The following SLC4A9 variants were observed in gnomAD, a reference collection of about 807,000 sequenced individuals.
SLC4A9 encodes solute carrier family 4 member 9, also known as anion exchange protein 4.
A neutral mutation model predicts 103.2 loss-of-function variants in SLC4A9; 102 were observed. The observed-to-expected ratio is 0.99, with a 90% CI of 0.84 to 1.17. The LOEUF (loss-of-function observed/expected upper bound fraction) is 1.17, where lower values mean the gene tolerates loss of function less well. SLC4A9 is among the 50% of genes most tolerant of loss of function. The pLI is 0.00. For missense variants in SLC4A9, 1,091 were observed against 1,193.7 expected (o/e 0.91, Z 1.27); for synonymous variants, 453 against 483.6 (o/e 0.94, Z 0.83).
In SLC4A9 at chr5:140,362,520, C is replaced by T; in HGVS notation, c.795C>T (p.Leu265=). 2 of 1,613,938 alleles carry T rather than the reference C, an allele frequency of 1.2e-6. No homozygotes were observed. Among genetic ancestry groups the T allele is most frequent in the Non-Finnish European group, 8.5e-7 (1 of 1,179,810 alleles). ...YHEMGRAAAV[L]LSDPQFQWSV... The stretch of plus-strand genomic sequence containing the variant: ...AGATGGGACGGGCAGCAGCTGTCCT[C>T]CTCAGTGACCCGGTGAGCTGAGCAG... The change falls in exon 6 of 22, where the codon CTC becomes CTT. Residue 265 remains leucine, a synonymous_variant. Transcript: ENST00000506757.
Position 140,374,942 on chromosome 5 carries a change from G to C in SLC4A9, c.*161G>C, listed in dbSNP as rs1769283180. Reference sequence around the variant, plus strand: ...CATGTTTGCTGTGCACTTAGGAAAGGCTGGTGAGCCAGAGGGACTGATCAG... The same window carrying C: ...CATGTTTGCTGTGCACTTAGGAAAGCCTGGTGAGCCAGAGGGACTGATCAG... On this transcript the variant is annotated 3_prime_UTR_variant, in exon 22 of 22. Transcript: ENST00000506757. The C allele has an allele frequency of 2.0e-5, 3 of 152,092 alleles. 1 individual carries two copies. The South Asian group carries it at 6.2e-4, about 31-fold the overall frequency. 9.4% of individuals were successfully genotyped at this position (152,092 alleles called of 1,614,324 possible).
chr5:140,360,280 G>GT lies in SLC4A9; in HGVS notation c.45dup (p.Ala16CysfsTer3). The GT allele has an allele frequency of 6.2e-7, 1 of 1,612,396 alleles. No homozygotes were observed. The highest frequency in any genetic ancestry group is 8.5e-7 in the Non-Finnish European group (1 of 1,179,252). Reference sequence around the variant, plus strand: ...GGCCAGGAAGGGTTTGAAGCCTCCAGTGCTCCTAGAAATATTCCTTCAGGG... The same window carrying GT: ...GGCCAGGAAGGGTTTGAAGCCTCCAGTTGCTCCTAGAAATATTCCTTCAGGG... On this transcript the variant is annotated frameshift_variant, in exon 1 of 22. Coordinates refer to ENST00000506757, the MANE Select transcript of SLC4A9 (RefSeq NM_031467.3). LOFTEE classifies it high-confidence loss of function.
rs773778505 is a variant in SLC4A9, at chr5:140,360,319, A to C, written c.83A>C (p.Asn28Thr). 1.2e-6 allele frequency: 2 copies of C among 1,612,112 alleles called. No individual in the cohort carries two copies. The highest frequency in any genetic ancestry group is 1.7e-5 in the Admixed American group (1 of 59,800). The change falls in exon 1 of 22, where the codon AAC (asparagine) becomes ACC (threonine). Residue 28 changes from asparagine to threonine, a missense_variant. Coordinates refer to ENST00000506757, the MANE Select transcript of SLC4A9 (RefSeq NM_031467.3). ...ATTCCTTCAGGGGAGCTGGACAGCA[A>C]CCCTGACCCTGGCACCGGCCCCAGC... ...RNIPSGELDS[N>T]PDPGTGPSPD...
At position 140,361,914 on chromosome 5, in the gene SLC4A9, GA is replaced by G. The variant is rs1412039233; in HGVS notation, c.561+54del. On this transcript the variant is annotated intron_variant, in intron 4 of 21. Transcript: ENST00000506757. Reference sequence around the variant, plus strand: ...TTTCCAGTGGCTGGGAGAGGGGTTAGAAATTAACAAAAGTCTACTCTCCACT... The same window carrying G: ...TTTCCAGTGGCTGGGAGAGGGGTTAGAATTAACAAAAGTCTACTCTCCACT... 3.0e-5 allele frequency: 49 copies of G among 1,613,566 alleles called. No individual in the cohort carries two copies. In the African/African-American group the frequency reaches 5.7e-4, roughly 19 times the overall value.
intron 17 of SLC4A9, among the ~76,000 whole-genome samples, chr5:140,370,335 G>C (rs781438935): frequency 8.6e-5 from 13 of 151,364 alleles, no homozygotes; most frequent in Middle Eastern, 3.2e-3. Flanking sequence ...GTGGTGGGGG[G>C]TGCCTATAAT....
chr5:140,361,290 T>G lies in SLC4A9; in HGVS notation c.428T>G (p.Leu143Arg). 1 of 1,572,314 alleles carries G rather than the reference T, an allele frequency of 6.4e-7. No homozygotes were observed. The highest frequency in any genetic ancestry group is 8.6e-7 in the Non-Finnish European group (1 of 1,158,638). The part of the protein sequence containing the change: ...VTRVESLSPE[L>R]RGQLQALLLQ... Reference sequence around the variant, plus strand: ...AGGGTGGAGTCGCTGAGCCCAGAGCTGAGAGGGCAGTTGCAGGCCTTGCTG... The same window carrying G: ...AGGGTGGAGTCGCTGAGCCCAGAGCGGAGAGGGCAGTTGCAGGCCTTGCTG... The change falls in exon 3 of 22, where the codon CTG (leucine) becomes CGG (arginine). Residue 143 changes from leucine (L) to arginine (R), a missense_variant. Leu to Arg is a moderately radical substitution (Grantham distance 102, BLOSUM62 -2). Coordinates refer to ENST00000506757, the MANE Select transcript of SLC4A9 (RefSeq NM_031467.3).
In SLC4A9 at chr5:140,372,785, T is replaced by C; in HGVS notation, c.2867T>C (p.Ile956Thr). ...CAGCCAAAGGCTCCAGAAATCAACA[T>C]TTCTGTGAATTAGCTGGAGTAGGAG... is the stretch of plus-strand genomic sequence containing the variant. ...MYQPKAPEIN[I>T]SVN Residue 956 changes from isoleucine (I) to threonine (T), a missense_variant, in exon 21 of 22, where the codon ATT (isoleucine) becomes ACT (threonine). Ile to Thr is a moderately conservative substitution (Grantham distance 89). Transcript: ENST00000506757. The C allele has an allele frequency of 6.4e-7, 1 of 1,574,256 alleles. No individual in the cohort carries two copies.
At chr5:140,360,494 G>T (rs1436781395) in intron 1 of SLC4A9, 28 bp downstream of exon 1, 1 of 1,542,504 alleles carries the variant, frequency 6.5e-7, no homozygotes, top group South Asian at 1.2e-5. Flanking sequence ...CAGTTCTGTG[G>T]GATCCTTCCC....
chr5:140,361,704 A>T, intron 3 of SLC4A9, 104 bp from the exon 4 acceptor site: 1 of 1,247,562 alleles, frequency 8.0e-7, no homozygotes, highest in Non-Finnish European at 1.2e-6. Context: ...AGAAGGGTAT[A>T]CTCTAATTCT....
intron 11 of SLC4A9, 72 bp downstream of exon 11, chr5:140,364,697 T>TATC (rs1767631082): frequency 6.5e-7 from 1 of 1,527,002 alleles, no homozygotes; most frequent in East Asian, 2.4e-5. Context: ...GCACCCTTAC[T>TATC]ATCCCCCCTG....
chr5:140,366,615 A>C (rs1767929458), intron 14 of SLC4A9, among the ~76,000 whole-genome samples: 1 of 152,208 alleles, frequency 6.6e-6, no homozygotes, highest in African/African-American at 2.4e-5. Context: ...TATAAAATGG[A>C]AATAATAAAA....
rs763489389 is a variant in SLC4A9, at chr5:140,367,402, T to G, written c.2014-18T>G. The G allele has an allele frequency of 1.2e-6, 2 of 1,609,562 alleles. No individual in the cohort carries two copies. Among genetic ancestry groups the G allele is most frequent in the Non-Finnish European group, 1.7e-6 (2 of 1,178,336 alleles). Reference sequence around the variant, plus strand: ...TGGGAGACCCACTCCAACCTGTCCATGAAATGCCCTCCTCCAGCCCACACT... The same window carrying G: ...TGGGAGACCCACTCCAACCTGTCCAGGAAATGCCCTCCTCCAGCCCACACT... On this transcript the variant is annotated intron_variant, in intron 14 of 21. Coordinates refer to ENST00000506757, the MANE Select transcript of SLC4A9 (RefSeq NM_031467.3).
Position 140,366,294 on chromosome 5 carries a change from C to G in SLC4A9, c.2013+30C>G, listed in dbSNP as rs375967199. The G allele has an allele frequency of 9.3e-6, 14 of 1,505,966 alleles. No individual in the cohort carries two copies. In the African/African-American group the frequency reaches 1.9e-4, roughly 21 times the overall value. 93.3% of individuals were successfully genotyped at this position (1,505,966 alleles called of 1,614,324 possible). ...GAGCCAGGGAAGAGGGTTGGGGGACCAGAGGGGAAAGCAGGGCCAGCAGAC... is the reference window on the plus strand; with the variant it reads ...GAGCCAGGGAAGAGGGTTGGGGGACGAGAGGGGAAAGCAGGGCCAGCAGAC... On this transcript the variant is annotated intron_variant, in intron 14 of 21. Transcript: ENST00000506757.
At position 140,360,287 on chromosome 5, in the gene SLC4A9, T is replaced by C. The variant is rs1259627119; in HGVS notation, c.51T>C (p.Pro17=). Reference sequence around the variant, plus strand: ...AAGGGTTTGAAGCCTCCAGTGCTCCTAGAAATATTCCTTCAGGGGAGCTGG... The same window carrying C: ...AAGGGTTTGAAGCCTCCAGTGCTCCCAGAAATATTCCTTCAGGGGAGCTGG... ...GQEGFEASSA[P]RNIPSGELDS... is the part of the protein sequence containing the mutation. Residue 17 remains proline (P), a synonymous_variant, in exon 1 of 22, where the codon CCT becomes CCC. Coordinates refer to ENST00000506757, the MANE Select transcript of SLC4A9 (RefSeq NM_031467.3). 1 of 1,612,472 alleles carries C rather than the reference T, an allele frequency of 6.2e-7. No individual in the cohort carries two copies.
chr5:140,362,341 G>C, intron 5 of SLC4A9, 104 bp from the exon 6 acceptor site: 1 of 1,296,090 alleles, frequency 7.7e-7, no homozygotes, highest in Non-Finnish European at 1.1e-6. Flanking sequence ...GTGTGCAAAT[G>C]AGTGTGTTTA....
chr5:140,365,835 A>G lies in SLC4A9; in HGVS notation c.1712A>G (p.Asp571Gly), dbSNP rs773390858. The change falls in exon 13 of 22, where the codon GAC becomes GGC. Residue 571 changes from aspartate (D) to glycine (G), a missense_variant and splice_region_variant. Asp to Gly is a moderately conservative substitution (Grantham distance 94). Coordinates refer to ENST00000506757, the MANE Select transcript of SLC4A9 (RefSeq NM_031467.3). ...CACTCCTGACCCTCCTGTGTACAGGACTTAGGCCTGATCAATGCATCCTTG... is the reference window on the plus strand; with the variant it reads ...CACTCCTGACCCTCCTGTGTACAGGGCTTAGGCCTGATCAATGCATCCTTG... ...PKDRDDIVSMDLGLINASLLP... is the reference protein window; with the variant it reads ...PKDRDDIVSMGLGLINASLLP... 2 of 1,613,350 alleles carry G rather than the reference A, an allele frequency of 1.2e-6. No homozygotes were observed. Among genetic ancestry groups the G allele is most frequent in the South Asian group, 2.2e-5 (2 of 91,042 alleles).
chr5:140,370,484 C>CA (rs890091313), intron 17 of SLC4A9, among the ~76,000 whole-genome samples: 5 of 148,814 alleles, frequency 3.4e-5, no homozygotes, highest in African/African-American at 9.9e-5. Flanking sequence ...AAAACAAAAA[C>CA]AAAAAAACAA....
Position 140,360,813 on chromosome 5 carries a change from T to A in SLC4A9, c.232T>A (p.Trp78Arg). The change falls in exon 2 of 22, where the codon TGG (tryptophan) becomes AGG (arginine). Residue 78 changes from tryptophan to arginine, a missense_variant and splice_region_variant. By Grantham distance (101) the Trp-to-Arg change is moderately radical (BLOSUM62 -3). Coordinates refer to ENST00000506757, the MANE Select transcript of SLC4A9 (RefSeq NM_031467.3). ...QALEWRETGR[W>R]VLFEEKLEVA... is the part of the protein sequence containing the mutation. The stretch of plus-strand genomic sequence containing the variant: ...ACTGTCTACCCACCTTCATCACAGG[T>A]GGGTACTGTTTGAGGAGAAGTTGGA... 6.2e-7 allele frequency: 1 copy of A among 1,613,268 alleles called. No individual in the cohort carries two copies. Among genetic ancestry groups the A allele is most frequent in the Middle Eastern group, 1.7e-4 (1 of 6,044 alleles).
At chr5:140,361,931 A>G in intron 4 of SLC4A9, 68 bp downstream of exon 4, 2 of 1,612,562 alleles carry the variant, frequency 1.2e-6, no homozygotes, top group African/African-American at 1.3e-5. Context: ...ACAAAAGTCT[A>G]CTCTCCACTG....
Sources: allele counts gnomAD v4.1 joint callset (sites outside exome capture counted in the v4.1 genomes callset), GRCh38; gene constraint gnomAD v4.1.1; transcripts MANE v1.5; gene names NCBI Gene and HGNC (gene_info 2026-07-23, HGNC 2026-07-21).